TAFA1: variants seen among roughly 807,000 people sequenced by gnomAD.
The protein encoded by TAFA1 is TAFA chemokine like family member 1, also known as chemokine-like protein TAFA-1.
TAFA1 carries 4 observed loss-of-function variants against 18.5 expected under a neutral mutation model. The ratio of observed to expected loss-of-function variants is 0.22; its 90% CI spans 0.11 to 0.49. The LOEUF (loss-of-function observed/expected upper bound fraction) is 0.49, where lower values mean the gene tolerates loss of function less well. Among genes scored for constraint, TAFA1 ranks in the 20% least tolerant of loss-of-function variants. The pLI is 0.98. For synonymous variants in TAFA1, 56 were observed against 55.2 expected, an observed-to-expected ratio of 1.01 and a Z score of -0.06; for missense variants, 147 against 169.0, an observed-to-expected ratio of 0.87 and a Z score of 0.72.
At chr3:68,003,918 T>C (rs149588999), upstream of TAFA1, among the ~76,000 whole-genome samples, 989 of 152,332 alleles carry the variant, frequency 6.5e-3, 13 homozygotes, top group African/African-American at 0.022. Context: ...ACAATATTTG[T>C]GGTTAATTTA....
intron 3 of TAFA1, among the ~76,000 whole-genome samples, chr3:68,462,319 A>T (rs2071799609): frequency 6.6e-6 from 1 of 152,132 alleles, no homozygotes; most frequent in Admixed American, 6.6e-5. Context: ...GGGGTAATCG[A>T]ATCATGGGGG....
chr3:68,174,475 T>C (rs7611343), intron 2 of TAFA1, among the ~76,000 whole-genome samples: 28,990 of 152,068 alleles, frequency 0.19, 3,151 homozygotes, highest in Middle Eastern at 0.29. Context: ...CAGGCTGAGG[T>C]GGTCTCCGGT....
At chr3:68,496,192 T>A (rs2072546125) in intron 3 of TAFA1, among the ~76,000 whole-genome samples, 1 of 152,060 alleles carries the variant, frequency 6.6e-6, no homozygotes, top group Non-Finnish European at 1.5e-5. Context: ...GTGAATAAAT[T>A]AGGAAAACAG....
At chr3:68,500,154 T>C (rs2072632521) in intron 3 of TAFA1, among the ~76,000 whole-genome samples, 1 of 152,082 alleles carries the variant, frequency 6.6e-6, no homozygotes. Flanking sequence ...ATGGAGGAAA[T>C]CTGTCTCTTT....
intron 4 of TAFA1, among the ~76,000 whole-genome samples, chr3:68,540,399 A>G (rs2073352508): frequency 6.6e-6 from 1 of 152,166 alleles, no homozygotes; most frequent in African/African-American, 2.4e-5. Flanking sequence ...GGTTCATGCA[A>G]CTTATCCACA....
intron 2 of TAFA1, among the ~76,000 whole-genome samples, chr3:68,397,358 G>T (rs748442122): frequency 1.1e-4 from 16 of 152,094 alleles, no homozygotes; most frequent in Admixed American, 2.6e-4. Flanking sequence ...TCCCCTTTCT[G>T]TGTCCATGTG....
intron 2 of TAFA1, among the ~76,000 whole-genome samples, chr3:68,341,076 C>T (rs961715306): frequency 9.2e-5 from 14 of 152,164 alleles, no homozygotes; most frequent in African/African-American, 3.4e-4. Context: ...TCACCTTGCC[C>T]ACTACCTAGA....
chr3:68,006,331 C>A lies in TAFA1; in HGVS notation c.-3-293C>A, dbSNP rs368703694. 10 of 308,104 alleles carry A rather than the reference C, an allele frequency of 3.2e-5. No individual in the cohort carries two copies. In the East Asian group the frequency reaches 5.3e-4, roughly 16 times the overall value. 19.1% of individuals were successfully genotyped at this position (308,104 alleles called of 1,614,324 possible). A position where few individuals can be genotyped will look rare whatever the true frequency, so the allele number is the denominator to read the frequency against. On this transcript the variant is annotated intron_variant, in intron 1 of 4. Coordinates refer to ENST00000478136, the MANE Select transcript of TAFA1 (RefSeq NM_213609.4). ...CATTGTGTAAAATAGGATTTTTAGT[C>A]AGCATGCATTGTTTTAAACCGACTA... is the stretch of plus-strand genomic sequence containing the variant.
At chr3:68,212,792 A>T (rs79046759) in intron 2 of TAFA1, among the ~76,000 whole-genome samples, 1,582 of 152,056 alleles carry the variant, frequency 0.01, 31 homozygotes, top group African/African-American at 0.035. Flanking sequence ...GAGAAAGGGG[A>T]TGGTTGCCAT....
At chr3:68,006,865 G>A in intron 2 of TAFA1, 121 bp downstream of exon 2, 1 of 712,870 alleles carries the variant, frequency 1.4e-6, no homozygotes, top group African/African-American at 1.7e-5. Context: ...TGAATTCCAA[G>A]ACATATTGTT....
At chr3:68,250,788 T>C (rs1246867152) in intron 2 of TAFA1, 1 of 151,958 alleles carries the variant, frequency 6.6e-6, no homozygotes, top group Non-Finnish European at 1.5e-5. Context: ...TTTTTTTTTT[T>C]TAGCAATTTC....
intron 3 of TAFA1, among the ~76,000 whole-genome samples, chr3:68,463,779 A>G (rs1365935888): frequency 6.6e-6 from 1 of 152,140 alleles, no homozygotes; most frequent in Non-Finnish European, 1.5e-5. Flanking sequence ...GGAGGATGGT[A>G]TTCCAGTTTT....
chr3:68,166,021 A>G (rs1401431879), intron 2 of TAFA1, among the ~76,000 whole-genome samples: 2 of 152,218 alleles, frequency 1.3e-5, no homozygotes, highest in Non-Finnish European at 2.9e-5. Flanking sequence ...GGTCTATAGG[A>G]AATTGAAAAG....
intron 2 of TAFA1, among the ~76,000 whole-genome samples, chr3:68,109,852 A>T (rs545678736): frequency 7.9e-5 from 12 of 152,342 alleles, no homozygotes; most frequent in African/African-American, 2.9e-4. Context: ...AAGAAGTCTG[A>T]TGTTAGAAAA....
intron 2 of TAFA1, among the ~76,000 whole-genome samples, chr3:68,234,837 G>T: frequency 6.6e-6 from 1 of 152,202 alleles, no homozygotes; most frequent in East Asian, 1.9e-4. Flanking sequence ...TAAAGGCAAA[G>T]TGGCAGAGCA....
rs897695680 is a variant in TAFA1, at chr3:68,110,402, T to A, written c.118+103658T>A. Reference sequence around the variant, plus strand: ...TTGATGGGCATTTGGGCTGATTTCATGTTTCTTCTATTGTGAATAGTGCTG... The same window carrying A: ...TTGATGGGCATTTGGGCTGATTTCAAGTTTCTTCTATTGTGAATAGTGCTG... On this transcript the variant is annotated intron_variant, in intron 2 of 4. Transcript: ENST00000478136. 2.6e-4 allele frequency among the ~76,000 whole-genome samples: 40 copies of A among 152,340 alleles called. 1 individual carries two copies. Among genetic ancestry groups the A allele is most frequent in the Admixed American group, 1.3e-4 (2 of 15,298 alleles).
At chr3:68,247,162 A>G (rs942589120) in intron 2 of TAFA1, among the ~76,000 whole-genome samples, 2 of 152,118 alleles carry the variant, frequency 1.3e-5, no homozygotes, top group Non-Finnish European at 2.9e-5. Context: ...GATGAGTGTG[A>G]TTAGAAACAA....
At chr3:68,295,752 A>G (rs2068196395) in intron 2 of TAFA1, among the ~76,000 whole-genome samples, 3 of 152,146 alleles carry the variant, frequency 2.0e-5, no homozygotes, top group Admixed American at 1.3e-4. Context: ...GATTACAAGC[A>G]TGTGCCAGTA....
At chr3:68,113,676 T>C (rs913842307) in intron 2 of TAFA1, among the ~76,000 whole-genome samples, 3 of 152,122 alleles carry the variant, frequency 2.0e-5, no homozygotes, top group Non-Finnish European at 2.9e-5. Context: ...AAAGACCCTA[T>C]GCAAGGTTCC....
Sources: gnomAD v4.1 joint callset for allele counts (sites outside exome capture counted in the v4.1 genomes callset) on GRCh38, gnomAD v4.1.1 for gene constraint, MANE v1.5 for transcripts, NCBI Gene and HGNC (gene_info 2026-07-23, HGNC 2026-07-21) for gene names.